Variants in TNFRSF21 observed in about 807,000 individuals in gnomAD.
TNFRSF21 encodes the protein TNF receptor superfamily member 21.
Under a neutral mutation model 45.6 loss-of-function variants are expected in TNFRSF21, and 19 were observed. The observed-to-expected ratio is 0.42, with a 90% CI of 0.29 to 0.61. The LOEUF (loss-of-function observed/expected upper bound fraction) is 0.61. Among genes scored for constraint, TNFRSF21 ranks in the 20% least tolerant of loss-of-function variants. TNFRSF21 has a pLI of 0.23. For missense variants in TNFRSF21, 737 were observed against 851.5 expected (o/e 0.87, Z 1.67); for synonymous variants, 314 against 335.5 (o/e 0.94, Z 0.70).
intron 3 of TNFRSF21, among the ~76,000 whole-genome samples, chr6:47,265,891 A>T (rs1175801183): frequency 6.6e-6 from 1 of 152,224 alleles, no homozygotes; most frequent in African/African-American, 2.4e-5. Flanking sequence ...CTAATGTAAC[A>T]TATCACTCCT....
chr6:47,286,797 T>A (rs906826959), intron 1 of TNFRSF21, among the ~76,000 whole-genome samples: 1 of 152,132 alleles, frequency 6.6e-6, no homozygotes, highest in Non-Finnish European at 1.5e-5. Flanking sequence ...TACAGCTTGA[T>A]CTACTGGCTG....
At chr6:47,304,043 G>A (rs1582365226) in intron 1 of TNFRSF21, among the ~76,000 whole-genome samples, 2 of 152,146 alleles carry the variant, frequency 1.3e-5, no homozygotes, top group African/African-American at 4.8e-5. Flanking sequence ...GTGATCACTG[G>A]ACACATGCCC....
chr6:47,293,163 G>A (rs1317715477), intron 1 of TNFRSF21, among the ~76,000 whole-genome samples: 1 of 152,108 alleles, frequency 6.6e-6, no homozygotes, highest in African/African-American at 2.4e-5. Context: ...GTCTTGTGAT[G>A]TTTGCTGATG....
chr6:47,293,106 TC>T (rs1223910725), intron 1 of TNFRSF21, among the ~76,000 whole-genome samples: 1 of 152,220 alleles, frequency 6.6e-6, no homozygotes, highest in African/African-American at 2.4e-5. Context: ...GAACTCTTCA[TC>T]ATATTTCCTG....
intron 1 of TNFRSF21, among the ~76,000 whole-genome samples, chr6:47,297,017 C>T (rs919197231): frequency 6.6e-6 from 1 of 152,182 alleles, no homozygotes; most frequent in African/African-American, 2.4e-5. Context: ...TAACCTGCGG[C>T]TTATGCTTGA....
chr6:47,280,277 A>G (rs1042757448), intron 3 of TNFRSF21, among the ~76,000 whole-genome samples: 1 of 152,182 alleles, frequency 6.6e-6, no homozygotes, highest in African/African-American at 2.4e-5. Context: ...TTCAGTGTGA[A>G]ATAGACAAGG....
chr6:47,305,986 G>A (rs757746001), intron 1 of TNFRSF21, among the ~76,000 whole-genome samples: 1 of 152,174 alleles, frequency 6.6e-6, no homozygotes, highest in Non-Finnish European at 1.5e-5. Context: ...GCCTTACAGA[G>A]ATATGATATA....
At chr6:47,271,837 A>G (rs989108322) in intron 3 of TNFRSF21, among the ~76,000 whole-genome samples, 9 of 152,174 alleles carry the variant, frequency 5.9e-5, no homozygotes, top group Non-Finnish European at 1.3e-4. Context: ...AAGCAAATGG[A>G]AAGCAAAAAA....
At chr6:47,272,016 C>G (rs1762428368) in intron 3 of TNFRSF21, among the ~76,000 whole-genome samples, 1 of 152,150 alleles carries the variant, frequency 6.6e-6, no homozygotes, top group Non-Finnish European at 1.5e-5. Context: ...ATTCATAAAG[C>G]AAGTCCTTAG....
intron 1 of TNFRSF21, among the ~76,000 whole-genome samples, chr6:47,306,234 A>G (rs1762937828): frequency 1.3e-5 from 2 of 152,378 alleles, no homozygotes; most frequent in Admixed American, 1.3e-4. Context: ...GCAAGCAGCA[A>G]GAATACTTCC....
rs150584045 is a variant in TNFRSF21, at chr6:47,305,604, T to C, written c.96+3812A>G. On this transcript the variant is annotated intron_variant, in intron 1 of 5. Transcript: ENST00000296861. ...AGTGAATTGCCAATGTACGAGGTAA[T>C]GTACTTTGATAAATGATGGTCAGGA... Among the ~76,000 whole-genome samples the C allele has an allele frequency of 5.6e-3, 853 of 152,246 alleles. 11 individuals are homozygous for C. Among genetic ancestry groups the C allele is most frequent in the African/African-American group, 0.019 (799 of 41,532 alleles).
At chr6:47,282,565 G>A (rs967648869) in intron 3 of TNFRSF21, among the ~76,000 whole-genome samples, 1 of 152,172 alleles carries the variant, frequency 6.6e-6, no homozygotes, top group Non-Finnish European at 1.5e-5. Flanking sequence ...TTATAGAAGT[G>A]GCATGTACTT....
chr6:47,259,803 T>C (rs1765045651), intron 3 of TNFRSF21, among the ~76,000 whole-genome samples: 1 of 152,130 alleles, frequency 6.6e-6, no homozygotes, highest in Non-Finnish European at 1.5e-5. Flanking sequence ...TCTGAGAAGG[T>C]GGCCCTGGCC....
rs566974304 is a variant in TNFRSF21 at position 47,257,047 on chromosome 6, C to G, written c.1244-3526G>C. Among the ~76,000 whole-genome samples, 5 of 152,160 alleles carry G rather than the reference C, an allele frequency of 3.3e-5. No homozygotes were observed. In the South Asian group the frequency reaches 1.0e-3, roughly 32 times the overall value. The stretch of plus-strand genomic sequence containing the variant: ...GAGTTACTTTATTTTTGGAAGTGTT[C>G]CCATCATTATGAAAGCTCCATACAC... On this transcript the variant is annotated intron_variant, in intron 3 of 5. Transcript: ENST00000296861.
At chr6:47,298,282 AT>A in intron 1 of TNFRSF21, among the ~76,000 whole-genome samples, 2 of 147,756 alleles carry the variant, frequency 1.4e-5, no homozygotes, top group Non-Finnish European at 3.0e-5. Flanking sequence ...ACTACAAAAA[AT>A]TAAAAAAAAA....
At chr6:47,284,758 A>G (rs1762622848) in intron 2 of TNFRSF21, among the ~76,000 whole-genome samples, 1 of 152,242 alleles carries the variant, frequency 6.6e-6, no homozygotes. Flanking sequence ...GATCTAATCA[A>G]TTCTTATTTT....
chr6:47,264,745 A>G lies in TNFRSF21; in HGVS notation c.1244-11224T>C, dbSNP rs185256790. ...TCAAACACCCTAAGAGGTTAAAGAG[A>G]AAGGTGTTGTCTAGTGGAAATGGCA... On this transcript the variant is annotated intron_variant, in intron 3 of 5. Transcript: ENST00000296861. 1.4e-4 allele frequency among the ~76,000 whole-genome samples: 22 copies of G among 152,248 alleles called. No homozygotes were observed. In the East Asian group the frequency reaches 4.2e-3, roughly 29 times the overall value.
In TNFRSF21 at chr6:47,309,456, C is replaced by A; in HGVS notation, c.56G>T (p.Arg19Leu). The A allele has an allele frequency of 6.5e-7, 1 of 1,534,540 alleles. No homozygotes were observed. Among genetic ancestry groups the A allele is most frequent in the Non-Finnish European group, 8.7e-7 (1 of 1,147,830 alleles). Residue 19 changes from arginine (R) to leucine (L), a missense_variant, in exon 1 of 6, where the codon CGC becomes CTC. Physicochemically the swap from Arg to Leu is moderately radical, Grantham distance 102 (BLOSUM62 -2). Transcript: ENST00000296861. ...TALASCSRIA[R>L]RATATMIAGS... ...CGCGATCATCGTGGCTGTGGCTCGG[C>A]GGGCGATGCGGCTGCAGGAGGCGAG...
intron 3 of TNFRSF21, among the ~76,000 whole-genome samples, chr6:47,272,839 C>A (rs1762442800): frequency 6.6e-6 from 1 of 152,138 alleles, no homozygotes; most frequent in Non-Finnish European, 1.5e-5. Context: ...GATATCACCA[C>A]CGATCCCACA....
Sources: allele counts gnomAD v4.1 joint callset (sites outside exome capture counted in the v4.1 genomes callset), GRCh38; gene constraint gnomAD v4.1.1; transcripts MANE v1.5; gene names NCBI Gene and HGNC (gene_info 2026-07-23, HGNC 2026-07-21).